The following CMSS1 variants were observed in gnomAD, a reference collection of about 807,000 sequenced individuals.
The protein encoded by CMSS1 is cms1 ribosomal small subunit homolog.
A neutral mutation model predicts 43.5 loss-of-function variants in CMSS1; 33 were observed. That is an observed-to-expected ratio of 0.76 (90% confidence interval 0.57 to 1.01). The LOEUF (loss-of-function observed/expected upper bound fraction) is 1.01. Among genes scored for constraint, CMSS1 ranks in the 50% least tolerant of loss-of-function variants. The probability of loss-of-function intolerance (pLI) is 0.00; values close to 1 mark genes in which losing one functional copy is unlikely to be tolerated. For synonymous variants in CMSS1, 115 were observed against 117.2 expected, an observed-to-expected ratio of 0.98 and a Z score of 0.12; for missense variants, 313 against 326.4, an observed-to-expected ratio of 0.96 and a Z score of 0.32.
At chr3:100,097,574 C>CTA (rs1358000082) in intron 1 of CMSS1, among the ~76,000 whole-genome samples, 10 of 152,084 alleles carry the variant, frequency 6.6e-5, no homozygotes, top group Admixed American at 4.6e-4. Flanking sequence ...GTATACAAGC[C>CTA]TATATATATA....
chr3:99,933,976 A>G lies in CMSS1; in HGVS notation c.64+115933A>G, dbSNP rs74892789. Among the ~76,000 whole-genome samples the G allele has an allele frequency of 7.2e-5, 11 of 152,326 alleles. No individual in the cohort carries two copies. In the East Asian group the frequency reaches 2.1e-3, roughly 29 times the overall value. Reference sequence around the variant, plus strand: ...CCACAGCTTCAGCTTTCTTACAGCTATTCTGGGCCTGGATGGTCTAAGACG... The same window carrying G: ...CCACAGCTTCAGCTTTCTTACAGCTGTTCTGGGCCTGGATGGTCTAAGACG... On this transcript the variant is annotated intron_variant, in intron 1 of 9. Coordinates refer to ENST00000421999, the MANE Select transcript of CMSS1 (RefSeq NM_032359.4).
At chr3:100,120,113 G>A (rs537787623) in intron 1 of CMSS1, among the ~76,000 whole-genome samples, 1 of 152,328 alleles carries the variant, frequency 6.6e-6, no homozygotes, top group Non-Finnish European at 1.5e-5. Flanking sequence ...TTGCAAATAA[G>A]CTGTACTCTC....
intron 9 of CMSS1, among the ~76,000 whole-genome samples, chr3:100,176,966 A>T (rs1053748092): frequency 9.9e-5 from 15 of 152,186 alleles, no homozygotes; most frequent in Admixed American, 8.5e-4. Flanking sequence ...ATATATTTTT[A>T]AAAACAATCC....
At chr3:100,098,564 G>A (rs886797479) in intron 1 of CMSS1, among the ~76,000 whole-genome samples, 3 of 152,158 alleles carry the variant, frequency 2.0e-5, no homozygotes, top group Non-Finnish European at 4.4e-5. Context: ...ATTCATAATT[G>A]AACTTCGGCT....
chr3:99,885,073 A>ATGTTTGTTC (rs1402189659), intron 1 of CMSS1, among the ~76,000 whole-genome samples: 1 of 152,214 alleles, frequency 6.6e-6, no homozygotes, highest in South Asian at 2.1e-4. Flanking sequence ...TTCAGCAGTC[A>ATGTTTGTTC]ACTATAGGCT....
Position 100,110,483 on chromosome 3 carries a change from C to G in CMSS1, c.65-36490C>G, listed in dbSNP as rs142961859. ...GATCCATCATGAAGATACCTGTCATCCATTTCAAGCCACAAATAGAGAAAA... is the reference window on the plus strand; with the variant it reads ...GATCCATCATGAAGATACCTGTCATGCATTTCAAGCCACAAATAGAGAAAA... On this transcript the variant is annotated intron_variant, in intron 1 of 9. Coordinates refer to ENST00000421999, the MANE Select transcript of CMSS1 (RefSeq NM_032359.4). 8.7e-3 allele frequency among the ~76,000 whole-genome samples: 1,327 copies of G among 152,214 alleles called. 8 individuals are homozygous for G. The highest frequency in any genetic ancestry group is 0.02 in the Middle Eastern group (6 of 294).
In CMSS1 at chr3:99,955,021, A is replaced by G. The variant is rs192729337; in HGVS notation, c.64+136978A>G. On this transcript the variant is annotated intron_variant, in intron 1 of 9. Transcript: ENST00000421999. Reference sequence around the variant, plus strand: ...TTTTGCCTCTTACAAAGATTCCATTATATAATGGTAAATGAAAGGGTATCT... The same window carrying G: ...TTTTGCCTCTTACAAAGATTCCATTGTATAATGGTAAATGAAAGGGTATCT... 2.5e-3 allele frequency among the ~76,000 whole-genome samples: 378 copies of G among 152,356 alleles called. 11 individuals carry two copies. Among genetic ancestry groups the G allele is most frequent in the Admixed American group, 0.023 (352 of 15,304 alleles).
intron 1 of CMSS1, among the ~76,000 whole-genome samples, chr3:99,868,528 G>C (rs1315933098): frequency 6.6e-6 from 1 of 152,176 alleles, no homozygotes. Context: ...TTGGCACTGT[G>C]CCAACTGCTT....
At chr3:100,138,543 C>T (rs1440529661) in intron 1 of CMSS1, among the ~76,000 whole-genome samples, 1 of 152,134 alleles carries the variant, frequency 6.6e-6, no homozygotes, top group East Asian at 1.9e-4. Flanking sequence ...TGAACAGACC[C>T]TTCTCAAAAG....
chr3:99,907,706 A>G (rs1706664556), intron 1 of CMSS1, among the ~76,000 whole-genome samples: 2 of 152,094 alleles, frequency 1.3e-5, no homozygotes, highest in Non-Finnish European at 2.9e-5. Context: ...CCCTTATGCT[A>G]TTAAGTCCAC....
intron 1 of CMSS1, among the ~76,000 whole-genome samples, chr3:99,877,086 C>A (rs1291010175): frequency 6.6e-6 from 1 of 152,146 alleles, no homozygotes; most frequent in African/African-American, 2.4e-5. Context: ...AATCCTACTT[C>A]TTGTGAATGA....
At chr3:99,865,034 C>A (rs1302981288) in intron 1 of CMSS1, among the ~76,000 whole-genome samples, 2 of 152,018 alleles carry the variant, frequency 1.3e-5, no homozygotes, top group East Asian at 3.9e-4. Context: ...TGAACAAATA[C>A]CTCTTCTATT....
chr3:99,850,437 A>C lies in CMSS1; in HGVS notation c.64+32394A>C, dbSNP rs558704957. On this transcript the variant is annotated intron_variant, in intron 1 of 9. Transcript: ENST00000421999. ...TACTGAGTTTTTCAACCTCTAGTTT[A>C]AAGTCTTTACTCTGTAACGTCTCCC... is the stretch of plus-strand genomic sequence containing the variant. 1.9e-6 allele frequency: 3 copies of C among 1,614,024 alleles called. No individual in the cohort carries two copies. The South Asian group carries it at 3.3e-5, about 18-fold the overall frequency.
intron 1 of CMSS1, among the ~76,000 whole-genome samples, chr3:99,865,375 C>T (rs1944462770): frequency 6.6e-6 from 1 of 152,116 alleles, no homozygotes; most frequent in African/African-American, 2.4e-5. Context: ...TCTCATGAGC[C>T]ATCCTCTCCA....
intron 1 of CMSS1, among the ~76,000 whole-genome samples, chr3:100,004,190 A>G (rs1258915491): frequency 6.6e-6 from 1 of 152,120 alleles, no homozygotes; most frequent in Non-Finnish European, 1.5e-5. Flanking sequence ...CCCCTTACAT[A>G]TTCTCCAAGA....
intron 1 of CMSS1, among the ~76,000 whole-genome samples, chr3:99,877,851 A>G (rs765069770): frequency 8.5e-5 from 13 of 152,174 alleles, no homozygotes; most frequent in Non-Finnish European, 1.6e-4. Context: ...CTGATAGCAT[A>G]CTTTTACCCC....
chr3:100,130,886 T>C (rs528696620), intron 1 of CMSS1, among the ~76,000 whole-genome samples: 2 of 152,312 alleles, frequency 1.3e-5, no homozygotes, highest in South Asian at 4.1e-4. Context: ...TCCTGGAGGA[T>C]GACAGCATTT....
At chr3:99,900,571 A>T (rs754001757) in intron 1 of CMSS1, among the ~76,000 whole-genome samples, 1 of 152,236 alleles carries the variant, frequency 6.6e-6, no homozygotes, top group African/African-American at 2.4e-5. Context: ...GCCCTATGTT[A>T]TAACTAAGGT....
intron 1 of CMSS1, among the ~76,000 whole-genome samples, chr3:99,956,058 T>C (rs1343433220): frequency 1.3e-5 from 2 of 152,194 alleles, no homozygotes; most frequent in African/African-American, 4.8e-5. Flanking sequence ...GACTGACACG[T>C]TTTTAAGTTT....
Sources: allele counts gnomAD v4.1 joint callset (sites outside exome capture counted in the v4.1 genomes callset), GRCh38; gene constraint gnomAD v4.1.1; transcripts MANE v1.5; gene names NCBI Gene and HGNC (gene_info 2026-07-23, HGNC 2026-07-21).